The following CDH13 variants were observed in gnomAD, a reference collection of about 807,000 sequenced individuals.
CDH13 encodes the protein cadherin-13.
CDH13 carries 24 observed loss-of-function variants against 63.8 expected under a neutral mutation model. That is an observed-to-expected ratio of 0.38 (90% CI 0.27 to 0.53). The LOEUF is 0.53. Among genes scored for constraint, CDH13 ranks in the 20% least tolerant of loss-of-function variants. CDH13 has a pLI of 0.85. For missense variants in CDH13, 1,049 were observed against 903.1 expected, an observed-to-expected ratio of 1.16 and a Z score of -2.07; for synonymous variants, 503 against 355.3, an observed-to-expected ratio of 1.42 and a Z score of -4.67.
chr16:83,361,177 C>G lies in CDH13; in HGVS notation c.781+16171C>G, dbSNP rs148970439. 2.5e-3 allele frequency among the ~76,000 whole-genome samples: 378 copies of G among 152,242 alleles called. 1 individual carries two copies. The highest frequency in any genetic ancestry group is 8.5e-3 in the African/African-American group (353 of 41,552). ...CATTGTGGTTTCAGTTTGCGTTTCCCTGATGATTAGTGATCACAATTTTTC... is the reference window on the plus strand; with the variant it reads ...CATTGTGGTTTCAGTTTGCGTTTCCGTGATGATTAGTGATCACAATTTTTC... On this transcript the variant is annotated intron_variant, in intron 6 of 13. Coordinates refer to ENST00000567109, the MANE Select transcript of CDH13 (RefSeq NM_001257.5).
intron 7 of CDH13, among the ~76,000 whole-genome samples, chr16:83,575,726 T>A (rs1182536138): frequency 6.6e-6 from 1 of 152,204 alleles, no homozygotes; most frequent in Non-Finnish European, 1.5e-5. Context: ...GACGGTCAAG[T>A]CCTTCATGGA....
At chr16:83,480,540 G>A (rs989587755) in intron 6 of CDH13, among the ~76,000 whole-genome samples, 1 of 152,166 alleles carries the variant, frequency 6.6e-6, no homozygotes, top group Admixed American at 6.5e-5. Flanking sequence ...TGTGTTTGGG[G>A]TGGCCAGTTG....
intron 5 of CDH13, among the ~76,000 whole-genome samples, chr16:83,323,831 T>C (rs1017142318): frequency 3.3e-5 from 5 of 152,304 alleles, no homozygotes; most frequent in Non-Finnish European, 7.4e-5. Context: ...TCTTTCTACA[T>C]GTTTCAGAAG....
Position 83,597,330 on chromosome 16 carries a change from A to G in CDH13, c.961-5124A>G, listed in dbSNP as rs189679090. On this transcript the variant is annotated intron_variant, in intron 7 of 13. Transcript: ENST00000567109. Reference sequence around the variant, plus strand: ...GGATCTGTACATTGGACTATTAGACAGCTGTTAAAATGAACAGCTCTGTAA... The same window carrying G: ...GGATCTGTACATTGGACTATTAGACGGCTGTTAAAATGAACAGCTCTGTAA... Among the ~76,000 whole-genome samples the G allele has an allele frequency of 2.7e-3, 412 of 152,342 alleles. 1 individual carries two copies. Among genetic ancestry groups the G allele is most frequent in the African/African-American group, 9.1e-3 (378 of 41,574 alleles).
chr16:83,764,327 G>C (rs12919381), intron 11 of CDH13, among the ~76,000 whole-genome samples: 24,039 of 152,220 alleles, frequency 0.16, 2,320 homozygotes, highest in East Asian at 0.25. Flanking sequence ...TCAATTCATG[G>C]AGCTTGTCTC....
chr16:83,564,152 G>C (rs533414060), intron 7 of CDH13, among the ~76,000 whole-genome samples: 26 of 152,156 alleles, frequency 1.7e-4, no homozygotes, highest in Non-Finnish European at 2.8e-4. Context: ...AGTATCAGTA[G>C]TACTGTTGGT....
intron 1 of CDH13, among the ~76,000 whole-genome samples, chr16:82,731,546 A>C (rs1358162647): frequency 1.3e-5 from 2 of 152,246 alleles, no homozygotes; most frequent in Non-Finnish European, 1.5e-5. Flanking sequence ...TGCTCAAGAC[A>C]TTGACAAATA....
chr16:83,707,410 G>T (rs971584512), intron 10 of CDH13, among the ~76,000 whole-genome samples: 3 of 151,978 alleles, frequency 2.0e-5, no homozygotes, highest in African/African-American at 7.3e-5. Context: ...CAAACACCAG[G>T]CACCTTCATC....
At chr16:83,394,627 A>T (rs1255179033) in intron 6 of CDH13, among the ~76,000 whole-genome samples, 1 of 152,200 alleles carries the variant, frequency 6.6e-6, no homozygotes, top group East Asian at 1.9e-4. Context: ...CAGAAGCGTG[A>T]CATGACCTGA....
chr16:82,673,429 A>T (rs1484725547), intron 1 of CDH13, among the ~76,000 whole-genome samples: 2 of 152,198 alleles, frequency 1.3e-5, no homozygotes, highest in African/African-American at 4.8e-5. Flanking sequence ...AGCCTTGGGA[A>T]TTAAAATTTT....
At chr16:83,044,574 A>G (rs924984445) in intron 3 of CDH13, among the ~76,000 whole-genome samples, 9 of 152,236 alleles carry the variant, frequency 5.9e-5, no homozygotes, top group African/African-American at 1.7e-4. Context: ...ATTCATCTTC[A>G]TAGTCCCATA....
chr16:83,544,123 G>A (rs576295324), intron 7 of CDH13, among the ~76,000 whole-genome samples: 1 of 152,334 alleles, frequency 6.6e-6, no homozygotes, highest in Non-Finnish European at 1.5e-5. Context: ...CTCACTGAAT[G>A]TGAGATGATG....
intron 2 of CDH13, among the ~76,000 whole-genome samples, chr16:82,998,987 T>C (rs1567730258): frequency 6.6e-6 from 1 of 152,060 alleles, no homozygotes; most frequent in South Asian, 2.1e-4. Flanking sequence ...ATATTTATCT[T>C]AATCAAGTTT....
intron 4 of CDH13, among the ~76,000 whole-genome samples, chr16:83,164,604 C>T (rs2037583035): frequency 6.6e-6 from 1 of 151,794 alleles, no homozygotes; most frequent in Non-Finnish European, 1.5e-5. Flanking sequence ...CCTGCAATCC[C>T]AGCTACTCAG....
chr16:83,757,914 G>A (rs1288875638), intron 11 of CDH13, among the ~76,000 whole-genome samples: 2 of 151,966 alleles, frequency 1.3e-5, no homozygotes, highest in Non-Finnish European at 2.9e-5. Context: ...GATCACTTGA[G>A]GCCAGGAATT....
intron 10 of CDH13, among the ~76,000 whole-genome samples, chr16:83,697,292 A>G (rs1017077139): frequency 2.0e-5 from 3 of 152,214 alleles, no homozygotes; most frequent in South Asian, 2.1e-4. Context: ...TTCAGCTCTC[A>G]TAGTACAAAT....
chr16:82,724,252 TATCCATCTATGCATCCTTCCGTCC>T (rs1417625546), intron 1 of CDH13, among the ~76,000 whole-genome samples: 1 of 151,896 alleles, frequency 6.6e-6, no homozygotes, highest in Non-Finnish European at 1.5e-5. Flanking sequence ...TCCATCCATC[TATCCATCTATGCATCCTTCCGTCC>T]ATCCATCTAT....
intron 1 of CDH13, among the ~76,000 whole-genome samples, chr16:82,669,205 G>A (rs1480605152): frequency 6.6e-6 from 1 of 152,162 alleles, no homozygotes; most frequent in Non-Finnish European, 1.5e-5. Flanking sequence ...ATTCCTCTCT[G>A]GTAGCCTTTG....
intron 3 of CDH13, among the ~76,000 whole-genome samples, chr16:83,044,144 G>T (rs1917573923): frequency 6.6e-6 from 1 of 152,122 alleles, no homozygotes; most frequent in Non-Finnish European, 1.5e-5. Flanking sequence ...TTCTCCTATA[G>T]CTAGCCTGTT....
Sources: gnomAD v4.1 joint callset for allele counts (sites outside exome capture counted in the v4.1 genomes callset) on GRCh38, gnomAD v4.1.1 for gene constraint, MANE v1.5 for transcripts, NCBI Gene and HGNC (gene_info 2026-07-23, HGNC 2026-07-21) for gene names.